Variants in AGBL1 observed in about 807,000 individuals in gnomAD.
AGBL1 encodes AGBL carboxypeptidase 1.
In AGBL1, 130 loss-of-function variants were observed where a neutral mutation model predicts 118.9. That is an observed-to-expected ratio of 1.09 (90% CI 0.95 to 1.26). The LOEUF is 1.26. AGBL1 is among the 50% of genes most tolerant of loss of function. The pLI is 0.00. For missense variants in AGBL1, 1,584 were observed against 1,298.1 expected (o/e 1.22, Z -3.38); for synonymous variants, 555 against 478.9 (o/e 1.16, Z -2.08).
At chr15:86,865,958 G>C (rs2079622242) in intron 22 of AGBL1, among the ~76,000 whole-genome samples, 1 of 152,236 alleles carries the variant, frequency 6.6e-6, no homozygotes, top group African/African-American at 2.4e-5. Flanking sequence ...CAAGTGCTTG[G>C]TATCTTTTAG....
intron 17 of AGBL1, among the ~76,000 whole-genome samples, chr15:86,307,712 G>T (rs1429173455): frequency 6.6e-6 from 1 of 151,930 alleles, no homozygotes; most frequent in East Asian, 1.9e-4. Flanking sequence ...GTCTAGTCTG[G>T]ACAGTATAGT....
rs1369161928 is a variant in AGBL1 at position 86,859,246 on chromosome 15, G to A, written c.3159-47841G>A. On this transcript the variant is annotated intron_variant, in intron 22 of 22. Coordinates refer to ENST00000614907, the MANE Select transcript of AGBL1 (RefSeq NM_001386094.1). ...ACTGATCACCCTGGATGCCAGAAAC[G>A]GCTCTAGCCTCACCCTGGGCAAGGC... Among the ~76,000 whole-genome samples, 12 of 152,166 alleles carry A rather than the reference G, an allele frequency of 7.9e-5. 1 individual carries two copies. The highest frequency in any genetic ancestry group is 4.6e-4 in the Admixed American group (7 of 15,278).
chr15:86,680,918 A>G (rs1469277481), intron 22 of AGBL1, among the ~76,000 whole-genome samples: 1 of 152,052 alleles, frequency 6.6e-6, no homozygotes, highest in Non-Finnish European at 1.5e-5. Flanking sequence ...TGTGTTCCCT[A>G]AAACAAAAAT....
At chr15:86,423,721 A>G (rs902957044) in intron 18 of AGBL1, among the ~76,000 whole-genome samples, 4 of 152,210 alleles carry the variant, frequency 2.6e-5, no homozygotes, top group African/African-American at 9.6e-5. Flanking sequence ...TGAAAATCAC[A>G]AACATTCCTA....
intron 21 of AGBL1, among the ~76,000 whole-genome samples, chr15:86,572,203 C>T (rs55788405): frequency 0.061 from 9,213 of 151,862 alleles, 710 homozygotes; most frequent in African/African-American, 0.17. Flanking sequence ...CGGCTCCCTT[C>T]CTGGGCCCCC....
intron 22 of AGBL1, among the ~76,000 whole-genome samples, chr15:86,864,440 T>C (rs966953501): frequency 6.6e-6 from 1 of 152,202 alleles, no homozygotes; most frequent in Non-Finnish European, 1.5e-5. Flanking sequence ...AGTAATCTTA[T>C]GAGTTAAGAG....
chr15:86,621,812 G>A (rs2084809742), intron 21 of AGBL1, among the ~76,000 whole-genome samples: 1 of 152,134 alleles, frequency 6.6e-6, no homozygotes, highest in African/African-American at 2.4e-5. Context: ...TGTTTAGAAA[G>A]CCTCTAGCAT....
intron 23 of AGBL1, among the ~76,000 whole-genome samples, chr15:86,983,729 ATCAGCTG>A (rs1246088835): frequency 2.6e-5 from 4 of 152,198 alleles, no homozygotes; most frequent in Admixed American, 2.0e-4. Flanking sequence ...AACAACCAGT[ATCAGCTG>A]TCAATATAGG....
rs150169893 is a variant in AGBL1, at chr15:86,143,612, C to T, written c.116-87C>T. ...TAGTTGAAATGAACTAATTCTTGCT[C>T]TGTCTCTAGTTGGGAGGTCTGTCTT... On this transcript the variant is annotated intron_variant, in intron 2 of 22. Coordinates refer to ENST00000614907, the MANE Select transcript of AGBL1 (RefSeq NM_001386094.1). The T allele has an allele frequency of 2.7e-6, 4 of 1,480,072 alleles. No individual in the cohort carries two copies. In the African/African-American group the frequency reaches 5.6e-5, roughly 21 times the overall value. The allele number at this position is 1,480,072 out of a possible 1,614,324, so 91.7% of individuals were successfully genotyped here.
intron 23 of AGBL1, among the ~76,000 whole-genome samples, chr15:86,944,561 A>G (rs1178021492): frequency 2.6e-5 from 4 of 152,142 alleles, no homozygotes; most frequent in African/African-American, 9.7e-5. Context: ...AACTTTAGCA[A>G]TGTTGAAGTC....
At chr15:86,787,591 C>A (rs990499288) in intron 22 of AGBL1, among the ~76,000 whole-genome samples, 10 of 152,128 alleles carry the variant, frequency 6.6e-5, no homozygotes, top group Non-Finnish European at 1.2e-4. Flanking sequence ...ATGTCAGGAT[C>A]TTCTTTTTTA....
chr15:86,291,277 C>A (rs2079541004), intron 16 of AGBL1, among the ~76,000 whole-genome samples: 1 of 152,176 alleles, frequency 6.6e-6, no homozygotes, highest in East Asian at 1.9e-4. Context: ...AAGCAGTACT[C>A]ATTTCCTCTA....
intron 22 of AGBL1, among the ~76,000 whole-genome samples, chr15:86,802,809 A>G (rs74027104): frequency 0.017 from 2,616 of 152,228 alleles, 76 homozygotes; most frequent in African/African-American, 0.059. Flanking sequence ...ACTGAACCTC[A>G]GTCATCCACT....
chr15:86,777,840 G>T (rs1252931072), intron 22 of AGBL1, among the ~76,000 whole-genome samples: 1 of 152,016 alleles, frequency 6.6e-6, no homozygotes, highest in Non-Finnish European at 1.5e-5. Context: ...ATAATAGTAA[G>T]TCTTGATTAC....
chr15:86,292,591 A>G (rs1886946168), intron 16 of AGBL1, among the ~76,000 whole-genome samples: 1 of 152,168 alleles, frequency 6.6e-6, no homozygotes, highest in South Asian at 2.1e-4. Context: ...ACAGAGTCTT[A>G]CTAGTGTCTC....
chr15:86,552,593 T>C (rs2083679288), intron 20 of AGBL1, among the ~76,000 whole-genome samples: 1 of 152,248 alleles, frequency 6.6e-6, no homozygotes, highest in African/African-American at 2.4e-5. Context: ...ATGAGCAACA[T>C]ACTGCTCGAT....
intron 18 of AGBL1, among the ~76,000 whole-genome samples, chr15:86,496,235 C>G (rs1333336691): frequency 2.0e-5 from 3 of 152,034 alleles, no homozygotes; most frequent in Admixed American, 2.0e-4. Flanking sequence ...CACTTGCTCT[C>G]TCTCTCCTGC....
At chr15:86,189,213 T>C (rs1181311504) in intron 5 of AGBL1, among the ~76,000 whole-genome samples, 1 of 152,172 alleles carries the variant, frequency 6.6e-6, no homozygotes, top group East Asian at 1.9e-4. Context: ...AACTTCGTGT[T>C]TTAAAACCAT....
intron 22 of AGBL1, among the ~76,000 whole-genome samples, chr15:86,835,108 T>C (rs900977944): frequency 6.6e-6 from 1 of 152,108 alleles, no homozygotes; most frequent in Non-Finnish European, 1.5e-5. Flanking sequence ...CATTTAAGGG[T>C]TAACTAGTGG....
Sources: allele counts gnomAD v4.1 joint callset (sites outside exome capture counted in the v4.1 genomes callset), GRCh38; gene constraint gnomAD v4.1.1; transcripts MANE v1.5; gene names NCBI Gene and HGNC (gene_info 2026-07-23, HGNC 2026-07-21).